The following AP2A2 variants were observed in gnomAD, a reference collection of about 807,000 sequenced individuals.
AP2A2 encodes AP-2 complex subunit alpha-2.
Under a neutral mutation model 104.2 loss-of-function variants are expected in AP2A2, and 32 were observed. The ratio of observed to expected loss-of-function variants is 0.31; its 90% CI spans 0.23 to 0.41. AP2A2 has a LOEUF of 0.41. AP2A2 is among the 10% of genes least tolerant of loss of function. The pLI, the probability that AP2A2 is intolerant of heterozygous loss-of-function variation, is 1.00. For synonymous variants in AP2A2, 539 were observed against 533.3 expected, an observed-to-expected ratio of 1.01 and a Z score of -0.15; for missense variants, 912 against 1,261.0, an observed-to-expected ratio of 0.72 and a Z score of 4.19.
chr11:935,127 C>T (rs1333336060), intron 1 of AP2A2, among the ~76,000 whole-genome samples: 2 of 146,998 alleles, frequency 1.4e-5, no homozygotes, highest in African/African-American at 5.1e-5. Context: ...GATCTCTGCT[C>T]ACTGCAACCT....
intron 1 of AP2A2, among the ~76,000 whole-genome samples, chr11:943,473 G>A (rs11246352): frequency 0.013 from 1,935 of 152,308 alleles, 12 homozygotes; most frequent in Middle Eastern, 0.041. Flanking sequence ...GTGTGGCACC[G>A]GGCTGTCTGC....
Position 992,690 on chromosome 11 carries a change from G to A in AP2A2, c.1452+5G>A, listed in dbSNP as rs760273054. ...GCGGCCAAGACTGTGTTCGAGGTATGGCCCGCAGGATGGCAGGAAGGATGG... is the reference window on the plus strand; with the variant it reads ...GCGGCCAAGACTGTGTTCGAGGTATAGCCCGCAGGATGGCAGGAAGGATGG... On this transcript the variant is annotated splice_donor_5th_base_variant and intron_variant, in intron 11 of 21. Coordinates refer to ENST00000448903, the MANE Select transcript of AP2A2 (RefSeq NM_012305.4). This position sits in a 1 kb window ranked among gnomAD's most constrained non-coding sequence, Gnocchi z 6.4. 2 of 1,613,828 alleles carry A rather than the reference G, an allele frequency of 1.2e-6. No individual in the cohort carries two copies. Among genetic ancestry groups the A allele is most frequent in the East Asian group, 4.5e-5 (2 of 44,878 alleles).
intron 1 of AP2A2, among the ~76,000 whole-genome samples, chr11:952,252 A>AT (rs1442283386): frequency 6.6e-6 from 1 of 152,204 alleles, no homozygotes; most frequent in Non-Finnish European, 1.5e-5. Flanking sequence ...GTACTTTGGT[A>AT]TTTTATAATC....
chr11:993,691 G>T lies in AP2A2; in HGVS notation c.1551-63G>T. 7.6e-7 allele frequency: 1 copy of T among 1,309,392 alleles called. No individual in the cohort carries two copies. The highest frequency in any genetic ancestry group is 2.5e-5 in the East Asian group (1 of 39,348). The allele number at this position is 1,309,392 out of a possible 1,614,324, so 81.1% of individuals were successfully genotyped here. A position where few individuals can be genotyped will look rare whatever the true frequency, so the allele number is the denominator to read the frequency against. On this transcript the variant is annotated intron_variant, in intron 12 of 21. Transcript: ENST00000448903. The surrounding 1 kb of genome is among the most constrained non-coding windows in gnomAD (Gnocchi z 8.2). Reference sequence around the variant, plus strand: ...GGTCTCGCCGCCGTCCCCCCCCCGCGGGGGCGTGCTGCAGCCTGCGAGGGG... The same window carrying T: ...GGTCTCGCCGCCGTCCCCCCCCCGCTGGGGCGTGCTGCAGCCTGCGAGGGG...
At chr11:977,852 C>T (rs946876357) in intron 5 of AP2A2, among the ~76,000 whole-genome samples, 3 of 152,022 alleles carry the variant, frequency 2.0e-5, no homozygotes, top group Non-Finnish European at 2.9e-5. Context: ...TTTCCTGCTG[C>T]GTGGAGAGGC....
chr11:990,865 T>C (rs1280600137), intron 10 of AP2A2, among the ~76,000 whole-genome samples: 17 of 65,720 alleles, frequency 2.6e-4, no homozygotes, highest in African/African-American at 5.2e-4. Context: ...TCCTTTCAGC[T>C]GGGCATGGTG....
Position 926,012 on chromosome 11 carries a change from G to T in AP2A2, c.-10G>T. ...GTCCGCCAGCCGAGGCCGCTCCCGA[G>T]CGTCGGAAGATGCCGGCCGTGTCCA... On this transcript the variant is annotated 5_prime_UTR_variant, in exon 1 of 22. Coordinates refer to ENST00000448903, the MANE Select transcript of AP2A2 (RefSeq NM_012305.4). 7.1e-7 allele frequency: 1 copy of T among 1,407,004 alleles called. No individual in the cohort carries two copies. Among genetic ancestry groups the T allele is most frequent in the Non-Finnish European group, 9.4e-7 (1 of 1,067,752 alleles). 87.2% of individuals were successfully genotyped at this position (1,407,004 alleles called of 1,614,324 possible). A position where few individuals can be genotyped will look rare whatever the true frequency, so the allele number is the denominator to read the frequency against.
At chr11:1,000,672 C>T in intron 15 of AP2A2, 74 bp downstream of exon 15, 1 of 1,445,962 alleles carries the variant, frequency 6.9e-7, no homozygotes, top group Non-Finnish European at 9.2e-7. Context: ...TGGCCGCGGC[C>T]AGCTGGACAG....
chr11:966,335 A>G (rs770575442), intron 2 of AP2A2, among the ~76,000 whole-genome samples: 12 of 152,146 alleles, frequency 7.9e-5, no homozygotes, highest in Non-Finnish European at 1.6e-4. Context: ...AATCTCTACT[A>G]AAAGTACAAA....
Position 992,721 on chromosome 11 carries a change from A to C in AP2A2, c.1452+36A>C. ...CAGGATGGCAGGAAGGATGGGGTGG[A>C]GGGCAGTTGCAGAAGGTGAGCAGTG... On this transcript the variant is annotated intron_variant, in intron 11 of 21. Coordinates refer to ENST00000448903, the MANE Select transcript of AP2A2 (RefSeq NM_012305.4). This position sits in a 1 kb window ranked among gnomAD's most constrained non-coding sequence, Gnocchi z 6.4. 3 of 1,611,720 alleles carry C rather than the reference A, an allele frequency of 1.9e-6. No homozygotes were observed. Among genetic ancestry groups the C allele is most frequent in the Non-Finnish European group, 2.5e-6 (3 of 1,178,696 alleles).
rs370442062 is a variant in AP2A2, at chr11:1,008,043, G to A, written c.2328G>A (p.Pro776=). The change falls in exon 18 of 22, where the codon CCG becomes CCA. Residue 776 remains proline (P), a synonymous_variant. Coordinates refer to ENST00000448903, the MANE Select transcript of AP2A2 (RefSeq NM_012305.4). ...NLNLQTKPVD[P]TVEGGAQVQQ... Reference sequence around the variant, plus strand: ...ACCTGCAGACCAAGCCCGTGGACCCGACCGTGGAGGGGGGCGCGCAGGTGC... The same window carrying A: ...ACCTGCAGACCAAGCCCGTGGACCCAACCGTGGAGGGGGGCGCGCAGGTGC... 13 of 1,570,690 alleles carry A rather than the reference G, an allele frequency of 8.3e-6. No individual in the cohort carries two copies. Among genetic ancestry groups the A allele is most frequent in the African/African-American group, 4.1e-5 (3 of 73,868 alleles).
chr11:952,295 G>A (rs978038673), intron 1 of AP2A2, among the ~76,000 whole-genome samples: 1 of 152,104 alleles, frequency 6.6e-6, no homozygotes, highest in African/African-American at 2.4e-5. Context: ...ATTTTTTGTG[G>A]AACTTGGGCT....
At position 994,235 on chromosome 11, in the gene AP2A2, C is replaced by A; in HGVS notation, c.1946C>A (p.Thr649Asn). The change falls in exon 14 of 22, where the codon ACC becomes AAC. Residue 649 changes from threonine to asparagine, a missense_variant. Thr to Asn is a moderately conservative substitution (Grantham distance 65). Transcript: ENST00000448903. ...NGGPEPAPAS[T>N]SAVSTPSPSA... ...GGTCCTGAGCCTGCCCCAGCCAGTA[C>A]CAGCGCCGTGGTGGGTCCCTCACCT... 1 of 1,612,836 alleles carries A rather than the reference C, an allele frequency of 6.2e-7. No homozygotes were observed. The highest frequency in any genetic ancestry group is 8.5e-7 in the Non-Finnish European group (1 of 1,179,768).
chr11:968,494 G>A lies in AP2A2; in HGVS notation c.137-1675G>A, dbSNP rs981898707. On this transcript the variant is annotated intron_variant, in intron 2 of 21. Coordinates refer to ENST00000448903, the MANE Select transcript of AP2A2 (RefSeq NM_012305.4). This position sits in a 1 kb window ranked among gnomAD's most constrained non-coding sequence, Gnocchi z 4.2. ...CCACAAAACTCAGCCCAGTCGGGCC[G>A]CTGGTCCTCTCCCCTGTCAGTTATT... is the stretch of plus-strand genomic sequence containing the variant. Among the ~76,000 whole-genome samples the A allele has an allele frequency of 2.6e-5, 4 of 152,098 alleles. No homozygotes were observed. Among genetic ancestry groups the A allele is most frequent in the African/African-American group, 7.2e-5 (3 of 41,426 alleles).
chr11:1,002,979 C>T (rs1856074941), intron 15 of AP2A2, among the ~76,000 whole-genome samples: 1 of 152,254 alleles, frequency 6.6e-6, no homozygotes, highest in Non-Finnish European at 1.5e-5. Context: ...CACCCAGGAG[C>T]CCTGTGCCAC....
At chr11:951,774 T>C (rs140634196) in intron 1 of AP2A2, among the ~76,000 whole-genome samples, 1 of 152,382 alleles carries the variant, frequency 6.6e-6, no homozygotes, top group Non-Finnish European at 1.5e-5. Context: ...GGCTGACTGC[T>C]GTGCTAACCA....
At chr11:930,220 C>G (rs887884068) in intron 1 of AP2A2, among the ~76,000 whole-genome samples, 1 of 151,848 alleles carries the variant, frequency 6.6e-6, no homozygotes. Flanking sequence ...TTCAAGTAAC[C>G]CACTCCCAGC....
intron 6 of AP2A2, among the ~76,000 whole-genome samples, chr11:981,509 A>C (rs776804809): frequency 2.6e-5 from 4 of 152,188 alleles, no homozygotes; most frequent in Non-Finnish European, 4.4e-5. Flanking sequence ...TGAGCACCCA[A>C]CACCATGTGG....
chr11:945,448 C>G (rs1027419119), intron 1 of AP2A2, among the ~76,000 whole-genome samples: 1 of 152,184 alleles, frequency 6.6e-6, no homozygotes, highest in Non-Finnish European at 1.5e-5. Flanking sequence ...ATTCTCCTGC[C>G]TCAGCCTCTC....
Sources: allele counts gnomAD v4.1 joint callset (sites outside exome capture counted in the v4.1 genomes callset), GRCh38; gene constraint gnomAD v4.1.1; non-coding constraint Gnocchi (gnomAD v3.1); transcripts MANE v1.5; gene names NCBI Gene and HGNC (gene_info 2026-07-23, HGNC 2026-07-21).